The following CLPB variants were observed in gnomAD, a reference collection of about 807,000 sequenced individuals.
CLPB encodes ClpB family mitochondrial disaggregase, also known as mitochondrial disaggregase.
Under a neutral mutation model 78.4 loss-of-function variants are expected in CLPB, and 40 were observed. The ratio of observed to expected loss-of-function variants is 0.51; its 90% CI spans 0.40 to 0.66. The LOEUF is 0.66. Ranked by LOEUF, CLPB falls within the 30% of genes least tolerant of loss-of-function variation. CLPB has a pLI of 0.00. For missense variants in CLPB, 780 were observed against 886.9 expected (o/e 0.88, Z 1.53); for synonymous variants, 333 against 348.0 (o/e 0.96, Z 0.48).
At chr11:72,298,546 G>A (rs111500908) in intron 11 of CLPB, among the ~76,000 whole-genome samples, 1,763 of 152,320 alleles carry the variant, frequency 0.012, 32 homozygotes, top group East Asian at 0.057. Context: ...TGCCCAGGTT[G>A]GAGCGCAGTG....
At chr11:72,294,269 T>C in intron 14 of CLPB, 56 bp downstream of exon 14, 1 of 1,613,884 alleles carries the variant, frequency 6.2e-7, no homozygotes, top group Non-Finnish European at 8.5e-7. Context: ...AGTCCAGTGT[T>C]CCAGATTTCC....
chr11:72,340,331 C>A (rs1319874787), intron 5 of CLPB, among the ~76,000 whole-genome samples: 1 of 152,146 alleles, frequency 6.6e-6, no homozygotes, highest in Non-Finnish European at 1.5e-5. Context: ...AGCCACAATG[C>A]CTGCAGACTC....
intron 2 of CLPB, among the ~76,000 whole-genome samples, chr11:72,409,445 G>C (rs934565312): frequency 1.7e-4 from 26 of 152,118 alleles, no homozygotes; most frequent in African/African-American, 5.8e-4. Flanking sequence ...TTAGCCGGGC[G>C]TGGTGTCGGG....
At chr11:72,299,709 A>G (rs1320333256) in intron 11 of CLPB, among the ~76,000 whole-genome samples, 2 of 152,250 alleles carry the variant, frequency 1.3e-5, no homozygotes, top group African/African-American at 2.4e-5. Flanking sequence ...TCAAGTGAAC[A>G]TGACAAGGGC....
At position 72,412,720 on chromosome 11, in the gene CLPB, G is replaced by T. The variant is rs1329282456; in HGVS notation, c.456-9668C>A. ...GATGACCAAAGGAAATAATGTTTGT[G>T]AGGGCACTTACATTTTCCAAATCTT... On this transcript the variant is annotated intron_variant, in intron 2 of 15. Coordinates refer to ENST00000538039, the MANE Select transcript of CLPB (RefSeq NM_001258392.3). Among the ~76,000 whole-genome samples the T allele has an allele frequency of 4.6e-5, 7 of 152,302 alleles. No homozygotes were observed. The East Asian group carries it at 1.2e-3, about 25-fold the overall frequency.
At chr11:72,337,200 C>A (rs931130902) in intron 5 of CLPB, 2 of 398,396 alleles carry the variant, frequency 5.0e-6, no homozygotes, top group African/African-American at 4.1e-5. Context: ...GAGCTCTGGT[C>A]TTCTGATATC....
intron 3 of CLPB, among the ~76,000 whole-genome samples, chr11:72,399,311 T>C (rs1855496910): frequency 6.6e-6 from 1 of 151,988 alleles, no homozygotes; most frequent in Admixed American, 6.6e-5. Flanking sequence ...AATAAATCTA[T>C]TTTCAGAAAA....
chr11:72,425,281 GA>G lies in CLPB; in HGVS notation c.455+5030del, dbSNP rs1856340354. 2.0e-5 allele frequency among the ~76,000 whole-genome samples: 3 copies of G among 152,280 alleles called. No individual in the cohort carries two copies. The South Asian group carries it at 6.2e-4, about 32-fold the overall frequency. ...AGTTAGACTGTGCCAAGAGGGCAGGGACTGTGCCAATCTTGTTCGTTACTGT... is the reference window on the plus strand; with the variant it reads ...AGTTAGACTGTGCCAAGAGGGCAGGGCTGTGCCAATCTTGTTCGTTACTGT... On this transcript the variant is annotated intron_variant, in intron 2 of 15. Coordinates refer to ENST00000538039, the MANE Select transcript of CLPB (RefSeq NM_001258392.3).
intron 3 of CLPB, among the ~76,000 whole-genome samples, chr11:72,394,550 T>C (rs1199451577): frequency 2.0e-5 from 3 of 152,232 alleles, no homozygotes; most frequent in African/African-American, 7.2e-5. Flanking sequence ...ACTGTCACGT[T>C]AGGCAAATGA....
At chr11:72,389,866 T>C (rs926541487) in intron 3 of CLPB, among the ~76,000 whole-genome samples, 1 of 152,064 alleles carries the variant, frequency 6.6e-6, no homozygotes, top group African/African-American at 2.4e-5. Context: ...TGAGCTGTGG[T>C]TGTGCCACTG....
rs183449756 is a variant in CLPB, at chr11:72,290,075, T to C, written c.*3292A>G. ...GTTTCCAGTGGCATCAAGAAACAAC[T>C]TGGTTTCTAAGTTCCTTTTTTCTGG... is the stretch of plus-strand genomic sequence containing the variant. On this transcript the variant is annotated 3_prime_UTR_variant, in exon 16 of 16. Coordinates refer to ENST00000538039, the MANE Select transcript of CLPB (RefSeq NM_001258392.3). The C allele has an allele frequency of 6.6e-6, 1 of 152,334 alleles. No individual in the cohort carries two copies. The highest frequency in any genetic ancestry group is 1.9e-4 in the East Asian group (1 of 5,192). The allele number at this position is 152,334 out of a possible 1,614,324, so 9.4% of individuals were successfully genotyped here.
chr11:72,385,033 T>C (rs548385067), intron 3 of CLPB, among the ~76,000 whole-genome samples: 2 of 152,336 alleles, frequency 1.3e-5, no homozygotes, highest in East Asian at 1.9e-4. Context: ...AGCTACACTT[T>C]AGACTAAATG....
intron 5 of CLPB, among the ~76,000 whole-genome samples, chr11:72,334,218 G>T (rs1950279581): frequency 6.6e-6 from 1 of 152,180 alleles, no homozygotes; most frequent in Admixed American, 6.5e-5. Context: ...TAGGAGTCGT[G>T]TCACTTCTCA....
intron 3 of CLPB, among the ~76,000 whole-genome samples, chr11:72,402,583 C>G (rs1367262155): frequency 6.6e-6 from 1 of 152,154 alleles, no homozygotes. Context: ...GAAAAAGCCC[C>G]TGGAGGAGCA....
chr11:72,382,427 A>G (rs1272455322), intron 3 of CLPB, among the ~76,000 whole-genome samples: 1 of 152,246 alleles, frequency 6.6e-6, no homozygotes, highest in Non-Finnish European at 1.5e-5. Context: ...CATTCCCTGC[A>G]GATTCAGGCT....
At chr11:72,359,290 G>A (rs1950789102) in intron 4 of CLPB, 1 of 556,128 alleles carries the variant, frequency 1.8e-6, no homozygotes, top group South Asian at 1.7e-5. Context: ...AAGGGAGGCA[G>A]ACAATAACCA....
rs1856514965 is a variant in CLPB, at chr11:72,430,534, C to T, written c.404-171G>A. The T allele has an allele frequency of 5.0e-6, 3 of 598,830 alleles. No individual in the cohort carries two copies. The Admixed American group carries it at 8.9e-5, about 18-fold the overall frequency. 37.1% of individuals were successfully genotyped at this position (598,830 alleles called of 1,614,324 possible). On this transcript the variant is annotated intron_variant, in intron 1 of 15. Transcript: ENST00000538039. Reference sequence around the variant, plus strand: ...GAATCATTCCCTCCCCACATGGTGTCCACTGTTAACAACCTGACTTCCACA... The same window carrying T: ...GAATCATTCCCTCCCCACATGGTGTTCACTGTTAACAACCTGACTTCCACA...
rs376902409 is a variant in CLPB, at chr11:72,308,608, C to T, written c.989-4G>A. The T allele has an allele frequency of 5.5e-5, 89 of 1,613,424 alleles. No individual in the cohort carries two copies. The highest frequency in any genetic ancestry group is 5.1e-4 in the African/African-American group (38 of 74,914). ...CCATTCTCCTTCCTCCGGATCGCTA[C>T]GGCCAAACACACAAGATCAGGGGAC... is the stretch of plus-strand genomic sequence containing the variant. On this transcript the variant is annotated splice_region_variant and splice_polypyrimidine_tract_variant and intron_variant, in intron 7 of 15. Coordinates refer to ENST00000538039, the MANE Select transcript of CLPB (RefSeq NM_001258392.3).
intron 3 of CLPB, among the ~76,000 whole-genome samples, chr11:72,402,491 G>T (rs1319403705): frequency 6.6e-6 from 1 of 152,154 alleles, no homozygotes; most frequent in Non-Finnish European, 1.5e-5. Context: ...ATAGGATGGG[G>T]GAGGGGGCAG....
Sources: gnomAD v4.1 joint callset for allele counts (sites outside exome capture counted in the v4.1 genomes callset) on GRCh38, gnomAD v4.1.1 for gene constraint, MANE v1.5 for transcripts, NCBI Gene and HGNC (gene_info 2026-07-23, HGNC 2026-07-21) for gene names.